Variants in SLC12A7 observed in about 807,000 individuals in gnomAD.
SLC12A7 encodes solute carrier family 12 member 7.
A neutral mutation model predicts 120.6 loss-of-function variants in SLC12A7; 100 were observed. That is an observed-to-expected ratio of 0.83 (90% CI 0.71 to 0.98). SLC12A7 has a LOEUF of 0.98. Among genes scored for constraint, SLC12A7 ranks in the 50% least tolerant of loss-of-function variants. SLC12A7 has a pLI of 0.00. For synonymous variants in SLC12A7, 760 were observed against 678.0 expected (o/e 1.12, Z -1.88); for missense variants, 1,373 against 1,548.1 (o/e 0.89, Z 1.90).
chr5:1,136,747 C>T, the SLC12A7 span, among the ~76,000 whole-genome samples: 1 of 143,326 alleles, frequency 7.0e-6, no homozygotes, highest in African/African-American at 2.6e-5. Context: ...ACACCAACAC[C>T]AGGACACGCA....
the SLC12A7 span, among the ~76,000 whole-genome samples, chr5:1,150,568 A>G: frequency 3.9e-5 from 6 of 152,266 alleles, no homozygotes; most frequent in African/African-American, 1.4e-4. Flanking sequence ...GGTCCCCTCC[A>G]GTGGAAAAAG....
intron 8 of SLC12A7, 97 bp from the exon 9 acceptor site, chr5:1,081,841 G>T: frequency 7.1e-7 from 1 of 1,409,072 alleles, no homozygotes; most frequent in Non-Finnish European, 9.7e-7. Context: ...ACTGGTGGCC[G>T]GAGGGGAAGG....
the SLC12A7 span, among the ~76,000 whole-genome samples, chr5:1,126,995 T>G: frequency 3.3e-5 from 5 of 151,922 alleles, no homozygotes; most frequent in Non-Finnish European, 5.9e-5. Flanking sequence ...TGGAGTAGGG[T>G]GTGGGCTCTC....
intron 1 of SLC12A7, among the ~76,000 whole-genome samples, 186 bp downstream of exon 1, chr5:1,111,681 GC>G (rs1423011942): frequency 6.6e-6 from 1 of 152,086 alleles, no homozygotes; most frequent in Non-Finnish European, 1.5e-5. Context: ...AGGGCCCCTC[GC>G]CCCCTAGCGC....
chr5:1,057,629 C>T lies in SLC12A7; in HGVS notation c.2868G>A (p.Arg956=), dbSNP rs1390848565. ...CCGCCGCGGTGTGGGACGCGGTGTT[C>T]CTGTCGTGGATCAGCTGGGCCTGGC... ...QEREAQLIHD[R]NTASHTAAAA... is the part of the protein sequence containing the mutation. Residue 956 remains arginine, a synonymous_variant, in exon 22 of 24, where the codon AGG becomes AGA. Coordinates refer to ENST00000264930, the MANE Select transcript of SLC12A7 (RefSeq NM_006598.3). The T allele has an allele frequency of 1.2e-6, 2 of 1,601,902 alleles. No individual in the cohort carries two copies. Among genetic ancestry groups the T allele is most frequent in the Non-Finnish European group, 1.7e-6 (2 of 1,179,384 alleles).
chr5:1,081,059 CAG>C (rs200842557), intron 9 of SLC12A7, among the ~76,000 whole-genome samples: 20,176 of 44,444 alleles, frequency 0.45, 2,643 homozygotes, highest in Middle Eastern at 0.52. Flanking sequence ...AAGAGGGAGA[CAG>C]AGAGAGAGAG....
the SLC12A7 span, among the ~76,000 whole-genome samples, chr5:1,152,124 C>G: frequency 6.6e-6 from 1 of 152,080 alleles, no homozygotes; most frequent in Non-Finnish European, 1.5e-5. Flanking sequence ...CCCTCCCCTC[C>G]CCTCTCCTTT....
chr5:1,064,282 A>T (rs1408328511), intron 18 of SLC12A7, 30 bp from the exon 19 acceptor site: 1 of 1,593,948 alleles, frequency 6.3e-7, no homozygotes, highest in Non-Finnish European at 8.5e-7. Flanking sequence ...TCCGCAGGTC[A>T]TCTGAGGCCA....
At chr5:1,119,534 G>A in the SLC12A7 span, among the ~76,000 whole-genome samples, 14 of 152,234 alleles carry the variant, frequency 9.2e-5, no homozygotes, top group African/African-American at 2.9e-4. Context: ...AGCTGTGTGC[G>A]GCCGGCTCGC....
chr5:1,068,876 C>T (rs1737339018), intron 17 of SLC12A7, among the ~76,000 whole-genome samples: 1 of 152,248 alleles, frequency 6.6e-6, no homozygotes, highest in Admixed American at 6.5e-5. Flanking sequence ...CCCTCGTGCG[C>T]ACAGACGCGC....
chr5:1,077,854 G>C lies in SLC12A7; in HGVS notation c.1608C>G (p.Asp536Glu). 1 of 1,592,050 alleles carries C rather than the reference G, an allele frequency of 6.3e-7. No individual in the cohort carries two copies. The highest frequency in any genetic ancestry group is 8.5e-7 in the Non-Finnish European group (1 of 1,170,076). ...TCACCTGCAGGAAGGGGACGATGCC[G>C]TCACGGGCAATGGCCTGCAGTAGGC... Reference protein sequence around the residue: ...APRLLQAIARDGIVPFLQVFG... With the variant: ...APRLLQAIAREGIVPFLQVFG... The change falls in exon 12 of 24, where the codon GAC becomes GAG. Residue 536 changes from aspartate to glutamate, a missense_variant. By Grantham distance (45) the Asp-to-Glu change is conservative. Transcript: ENST00000264930.
In SLC12A7 at chr5:1,060,987, C is replaced by CATCCACAG. The variant is rs1561034402; in HGVS notation, c.2740-537_2740-536insCTGTGGAT. On this transcript the variant is annotated intron_variant, in intron 20 of 23. Coordinates refer to ENST00000264930, the MANE Select transcript of SLC12A7 (RefSeq NM_006598.3). ...GTGTGGGACTGCTGCGTCTCACCCA[C>CATCCACAG]TGCACCTGCCGTGCAGGATCCCTGA... Among the ~76,000 whole-genome samples the CATCCACAG allele has an allele frequency of 1.6e-3, 223 of 135,896 alleles. 2 individuals are homozygous for CATCCACAG. Among genetic ancestry groups the CATCCACAG allele is most frequent in the African/African-American group, 6.1e-3 (205 of 33,530 alleles). The allele number at this position is 135,896 out of a possible 152,430, so 89.2% of individuals were successfully genotyped here.
chr5:1,067,070 A>G (rs114699554), intron 17 of SLC12A7, among the ~76,000 whole-genome samples: 2,662 of 151,920 alleles, frequency 0.018, 82 homozygotes, highest in African/African-American at 0.061. Flanking sequence ...ACACAAAACA[A>G]CATCCAATGT....
Position 1,093,560 on chromosome 5 carries a change from G to T in SLC12A7, c.315C>A (p.Asp105Glu). The change falls in exon 3 of 24, where the codon GAC becomes GAA. Residue 105 changes from aspartate (D) to glutamate (E), a missense_variant. Asp to Glu is a conservative substitution (Grantham distance 45, BLOSUM62 2). Transcript: ENST00000264930. ...LSQGVVEHEE[D>E]EESRRREAKA... ...TGGCCTCCCGCCGCCGGCTCTCCTC[G>T]TCCTCCTCGTGCTCCACCACGCCCT... 6.2e-7 allele frequency: 1 copy of T among 1,602,826 alleles called. No individual in the cohort carries two copies. The highest frequency in any genetic ancestry group is 8.5e-7 in the Non-Finnish European group (1 of 1,175,656).
At chr5:1,094,401 C>T (rs1740873642) in intron 1 of SLC12A7, among the ~76,000 whole-genome samples, 153 bp from the exon 2 acceptor site, 1 of 152,226 alleles carries the variant, frequency 6.6e-6, no homozygotes, top group Non-Finnish European at 1.5e-5. Context: ...CACTCTCCTT[C>T]CTTCCACACA....
intron 11 of SLC12A7, among the ~76,000 whole-genome samples, chr5:1,078,299 A>AC (rs747376705): frequency 2.2e-4 from 33 of 152,008 alleles, no homozygotes; most frequent in Non-Finnish European, 3.5e-4. Context: ...ACCACCCAGG[A>AC]CCCCCGGGGC....
the SLC12A7 span, among the ~76,000 whole-genome samples, chr5:1,131,852 G>A: frequency 6.6e-6 from 1 of 152,220 alleles, no homozygotes; most frequent in Non-Finnish European, 1.5e-5. Flanking sequence ...CCTGCCAGGA[G>A]CAGCTTCCCA....
chr5:1,127,967 A>G, the SLC12A7 span, among the ~76,000 whole-genome samples: 1 of 152,236 alleles, frequency 6.6e-6, no homozygotes, highest in Admixed American at 6.5e-5. Context: ...AGAGTGGCTC[A>G]GATTCTCCAG....
At chr5:1,093,754 G>A in intron 2 of SLC12A7, 99 bp from the exon 3 acceptor site, 1 of 1,530,900 alleles carries the variant, frequency 6.5e-7, no homozygotes, top group Non-Finnish European at 8.8e-7. Flanking sequence ...GCCCTCCCCG[G>A]GTCCTCAGCC....
Sources: gnomAD v4.1 joint callset for allele counts (sites outside exome capture counted in the v4.1 genomes callset) on GRCh38, gnomAD v4.1.1 for gene constraint, MANE v1.5 for transcripts, NCBI Gene and HGNC (gene_info 2026-07-23, HGNC 2026-07-21) for gene names.